Variants in ADAMTS14 observed in about 807,000 individuals in gnomAD.
ADAMTS14 encodes the protein A disintegrin and metalloproteinase with thrombospondin motifs 14.
ADAMTS14 carries 100 observed loss-of-function variants against 128.6 expected under a neutral mutation model. The ratio of observed to expected loss-of-function variants is 0.78; its 90% CI spans 0.66 to 0.92. The LOEUF (loss-of-function observed/expected upper bound fraction) is 0.92. Among genes scored for constraint, ADAMTS14 ranks in the 40% least tolerant of loss-of-function variants. The probability of loss-of-function intolerance (pLI) is 0.00; values close to 1 mark genes in which losing one functional copy is unlikely to be tolerated. For missense variants in ADAMTS14, 1,562 were observed against 1,658.6 expected (o/e 0.94, Z 1.01); for synonymous variants, 665 against 653.8 (o/e 1.02, Z -0.26).
In ADAMTS14 at chr10:70,758,305, C is replaced by A. The variant is rs767429598; in HGVS notation, c.3178+20C>A. 6.2e-7 allele frequency: 1 copy of A among 1,605,634 alleles called. No homozygotes were observed. Among genetic ancestry groups the A allele is most frequent in the East Asian group, 2.2e-5 (1 of 44,776 alleles). On this transcript the variant is annotated intron_variant, in intron 21 of 21. Coordinates refer to ENST00000373207, the MANE Select transcript of ADAMTS14 (RefSeq NM_080722.4). ...CATCAAGTAAGTACAGTCTATGGAC[C>A]CTACCCTGCTCCCCAGACCTTTCAG...
At chr10:70,673,317 A>G (rs1456451220) in intron 1 of ADAMTS14, among the ~76,000 whole-genome samples, 1 of 151,978 alleles carries the variant, frequency 6.6e-6, no homozygotes, top group Non-Finnish European at 1.5e-5. Context: ...GCATAAGGCT[A>G]ACAGGTGATT....
chr10:70,750,070 C>A (rs1202433429), intron 16 of ADAMTS14, 85 bp downstream of exon 16: 2 of 1,545,928 alleles, frequency 1.3e-6, no homozygotes, highest in Non-Finnish European at 1.8e-6. Context: ...GCCAGCGTGA[C>A]ACCATTCTGG....
At chr10:70,752,915 G>T (rs1050606576) in intron 18 of ADAMTS14, among the ~76,000 whole-genome samples, 1 of 152,228 alleles carries the variant, frequency 6.6e-6, no homozygotes, top group Non-Finnish European at 1.5e-5. Context: ...ATGATAACCA[G>T]CCCCTCCTCT....
chr10:70,678,590 A>G (rs1163425245), intron 2 of ADAMTS14, among the ~76,000 whole-genome samples: 1 of 151,030 alleles, frequency 6.6e-6, no homozygotes, highest in African/African-American at 2.4e-5. Context: ...ACCCTAGAAG[A>G]CACGCGGGGC....
Position 70,672,960 on chromosome 10 carries a change from G to A in ADAMTS14, c.82+76G>A, listed in dbSNP as rs947192569. On this transcript the variant is annotated intron_variant, in intron 1 of 21. Coordinates refer to ENST00000373207, the MANE Select transcript of ADAMTS14 (RefSeq NM_080722.4). ...GTCAGGGTGGCCCAAGGTTGCCCCA[G>A]CCACCCGGGCAGGGTTCCCGCGGGT... The A allele has an allele frequency of 6.7e-5, 91 of 1,364,262 alleles. No individual in the cohort carries two copies. In the African/African-American group the frequency reaches 1.4e-3, roughly 21 times the overall value. The allele number at this position is 1,364,262 out of a possible 1,614,324, so 84.5% of individuals were successfully genotyped here.
At chr10:70,749,709 C>T (rs1051716411) in intron 15 of ADAMTS14, 113 bp from the exon 16 acceptor site, 23 of 1,344,224 alleles carry the variant, frequency 1.7e-5, no homozygotes, top group East Asian at 5.0e-5. Flanking sequence ...AAGGAAAGGC[C>T]GGTGGACAGG....
intron 2 of ADAMTS14, among the ~76,000 whole-genome samples, chr10:70,690,483 A>G (rs936761075): frequency 1.4e-5 from 2 of 145,426 alleles, no homozygotes; most frequent in Non-Finnish European, 3.1e-5. Flanking sequence ...GCTTACCTGC[A>G]TTCTGGAGGG....
chr10:70,693,491 A>G (rs573739627), intron 2 of ADAMTS14, among the ~76,000 whole-genome samples: 1 of 152,318 alleles, frequency 6.6e-6, no homozygotes, highest in East Asian at 1.9e-4. Context: ...CCCTTGTGGC[A>G]TGCTCGGGAC....
intron 4 of ADAMTS14, among the ~76,000 whole-genome samples, chr10:70,716,741 C>G (rs1455063998): frequency 6.6e-6 from 1 of 152,126 alleles, no homozygotes; most frequent in East Asian, 1.9e-4. Flanking sequence ...GGGAGGAGAT[C>G]TGGTTCCTGG....
chr10:70,731,197 C>G (rs149334949), intron 6 of ADAMTS14, among the ~76,000 whole-genome samples: 1 of 152,054 alleles, frequency 6.6e-6, no homozygotes, highest in South Asian at 2.1e-4. Context: ...CAAACACACA[C>G]GTATACACAG....
At chr10:70,696,182 G>T (rs1840327274) in intron 2 of ADAMTS14, among the ~76,000 whole-genome samples, 2 of 152,174 alleles carry the variant, frequency 1.3e-5, no homozygotes, top group African/African-American at 4.8e-5. Context: ...GTGTGATGAA[G>T]CTGGAAAGGG....
chr10:70,749,478 C>A (rs563664132), intron 15 of ADAMTS14, among the ~76,000 whole-genome samples: 3 of 152,228 alleles, frequency 2.0e-5, no homozygotes, highest in Admixed American at 6.5e-5. Flanking sequence ...ACTGGGCAAC[C>A]AAAGAAGACT....
chr10:70,723,295 A>G (rs574987443), intron 4 of ADAMTS14, among the ~76,000 whole-genome samples: 7 of 152,312 alleles, frequency 4.6e-5, no homozygotes, highest in Admixed American at 6.5e-5. Flanking sequence ...CAGAGGGGCT[A>G]AGGAGACAGG....
chr10:70,751,737 A>G, intron 17 of ADAMTS14, 91 bp downstream of exon 17: 1 of 1,483,788 alleles, frequency 6.7e-7, no homozygotes. Context: ...TCTCCATTTG[A>G]TGTGTCCTTG....
At chr10:70,697,180 A>G (rs1208956364) in intron 2 of ADAMTS14, among the ~76,000 whole-genome samples, 1 of 152,234 alleles carries the variant, frequency 6.6e-6, no homozygotes, top group Non-Finnish European at 1.5e-5. Context: ...AGCCCCAGAT[A>G]GGCCAGCCTT....
chr10:70,722,653 A>G (rs1020703453), intron 4 of ADAMTS14, among the ~76,000 whole-genome samples: 3 of 152,212 alleles, frequency 2.0e-5, no homozygotes, highest in African/African-American at 7.2e-5. Context: ...GTTAAAAAAC[A>G]TACCCCAAAT....
chr10:70,722,638 G>C (rs538039373), intron 4 of ADAMTS14, among the ~76,000 whole-genome samples: 115 of 152,272 alleles, frequency 7.6e-4, no homozygotes, highest in African/African-American at 2.6e-3. Flanking sequence ...AGAAAGTAAT[G>C]AAGTGTTAAA....
Position 70,689,726 on chromosome 10 carries a change from C to T in ADAMTS14, c.523-12586C>T, listed in dbSNP as rs576956096. 2.1e-5 allele frequency among the ~76,000 whole-genome samples: 3 copies of T among 145,772 alleles called. 1 individual carries two copies. The highest frequency in any genetic ancestry group is 2.0e-4 in the Admixed American group (3 of 14,744). Reference sequence around the variant, plus strand: ...TTCGCCAACAGCAGCCTGGGCAGTCCTGTTACAATCCGAGTCCTCCATGGT... The same window carrying T: ...TTCGCCAACAGCAGCCTGGGCAGTCTTGTTACAATCCGAGTCCTCCATGGT... On this transcript the variant is annotated intron_variant, in intron 2 of 21. Transcript: ENST00000373207.
At chr10:70,682,917 C>T (rs1483693446) in intron 2 of ADAMTS14, among the ~76,000 whole-genome samples, 2 of 152,220 alleles carry the variant, frequency 1.3e-5, no homozygotes, top group Non-Finnish European at 2.9e-5. Flanking sequence ...CCTATGTGTC[C>T]TCATGACCCA....
Sources: allele counts gnomAD v4.1 joint callset (sites outside exome capture counted in the v4.1 genomes callset), GRCh38; gene constraint gnomAD v4.1.1; transcripts MANE v1.5; gene names NCBI Gene and HGNC (gene_info 2026-07-23, HGNC 2026-07-21).